Variants in RYR1 observed in about 807,000 individuals in gnomAD.
RYR1 encodes the protein ryanodine receptor 1.
Under a neutral mutation model 583.5 loss-of-function variants are expected in RYR1, and 342 were observed. The ratio of observed to expected loss-of-function variants is 0.59; its 90% CI spans 0.54 to 0.64. The LOEUF is 0.64. RYR1 is among the 30% of genes least tolerant of loss of function. The probability of loss-of-function intolerance (pLI) is 0.00; values close to 1 mark genes in which losing one functional copy is unlikely to be tolerated. For synonymous variants in RYR1, 2,791 were observed against 2,822.5 expected, an observed-to-expected ratio of 0.99 and a Z score of 0.35; for missense variants, 6,032 against 6,917.2, an observed-to-expected ratio of 0.87 and a Z score of 4.54.
At position 38,564,721 on chromosome 19, in the gene RYR1, G is replaced by A. The variant is rs141858105; in HGVS notation, c.12625-238G>A. Reference sequence around the variant, plus strand: ...GTAGAGACGGGGGTTTCACCATGTTGGCCAGGCTGGTCTCGAACTCCTGAC... The same window carrying A: ...GTAGAGACGGGGGTTTCACCATGTTAGCCAGGCTGGTCTCGAACTCCTGAC... On this transcript the variant is annotated intron_variant, in intron 90 of 105. Transcript: ENST00000359596. Among the ~76,000 whole-genome samples the A allele has an allele frequency of 2.7e-3, 405 of 152,234 alleles. 1 individual carries two copies. The highest frequency in any genetic ancestry group is 9.1e-3 in the African/African-American group (378 of 41,544).
intron 57 of RYR1, 34 bp from the exon 58 acceptor site, chr19:38,507,678 C>T (rs1970536065): frequency 2.2e-6 from 3 of 1,368,624 alleles, no homozygotes; most frequent in African/African-American, 2.8e-5. Flanking sequence ...GGGCCGGCGT[C>T]TGGGCTGATC....
intron 31 of RYR1, among the ~76,000 whole-genome samples, chr19:38,478,852 T>A (rs1968876350): frequency 6.6e-6 from 1 of 152,110 alleles, no homozygotes; most frequent in South Asian, 2.1e-4. Context: ...ACTGCAACCT[T>A]CGCCTCCTGG....
chr19:38,463,920 C>G (rs1967936232), intron 22 of RYR1, 70 bp downstream of exon 22: 1 of 1,146,342 alleles, frequency 8.7e-7, no homozygotes, highest in African/African-American at 1.5e-5. Flanking sequence ...CATGGAGAGA[C>G]AGGGCAGGAG....
At chr19:38,534,656 G>A in intron 78 of RYR1, 64 bp from the exon 79 acceptor site, 2 of 1,406,976 alleles carry the variant, frequency 1.4e-6, no homozygotes, top group Non-Finnish European at 9.9e-7. Flanking sequence ...AAGTGAGAAT[G>A]TGAGGGGGAA....
intron 99 of RYR1, among the ~76,000 whole-genome samples, chr19:38,579,081 A>G (rs1974084045): frequency 6.6e-6 from 1 of 151,904 alleles, no homozygotes; most frequent in Non-Finnish European, 1.5e-5. Context: ...CATGTGCACC[A>G]CTGCACTCCA....
At chr19:38,486,344 T>C in intron 34 of RYR1, 142 bp downstream of exon 34, 1 of 1,115,178 alleles carries the variant, frequency 9.0e-7, no homozygotes, top group East Asian at 2.4e-5. Context: ...CACCTTTCTT[T>C]TTATTATTAT....
intron 29 of RYR1, among the ~76,000 whole-genome samples, chr19:38,477,067 AAAGAAG>A (rs200369670): frequency 1.3e-5 from 2 of 152,036 alleles, no homozygotes; most frequent in Admixed American, 6.5e-5. Context: ...GAAAGAAAAA[AAAGAAG>A]AAGAAGAAGG....
At chr19:38,464,435 A>G (rs1967978772) in intron 22 of RYR1, among the ~76,000 whole-genome samples, 1 of 152,134 alleles carries the variant, frequency 6.6e-6, no homozygotes, top group Non-Finnish European at 1.5e-5. Flanking sequence ...AGGAAAAGAC[A>G]GACATAGTTA....
Position 38,433,716 on chromosome 19 carries a change from C to G in RYR1, c.-114C>G. On this transcript the variant is annotated 5_prime_UTR_variant, in exon 1 of 106. Coordinates refer to ENST00000359596, the MANE Select transcript of RYR1 (RefSeq NM_000540.3). ...GCAGTTCCATCTACCTCGCGGGTGC[C>G]TCTGGTGTCTCCAGAGGTCTCCGAC... 1.3e-6 allele frequency: 1 copy of G among 797,120 alleles called. No individual in the cohort carries two copies. Among genetic ancestry groups the G allele is most frequent in the South Asian group, 1.4e-5 (1 of 69,598 alleles). 49.4% of individuals were successfully genotyped at this position (797,120 alleles called of 1,614,324 possible).
intron 67 of RYR1, 75 bp from the exon 68 acceptor site, chr19:38,522,953 C>T: frequency 1.6e-6 from 2 of 1,221,724 alleles, no homozygotes. Flanking sequence ...ATCTCCTCCT[C>T]CAAGATCTCT....
chr19:38,501,720 G>A (rs1970129663), intron 47 of RYR1, among the ~76,000 whole-genome samples: 1 of 152,110 alleles, frequency 6.6e-6, no homozygotes, highest in South Asian at 2.1e-4. Context: ...TGTGCATGGT[G>A]GCTCACCCCT....
At chr19:38,562,661 A>G (rs1169939328) in intron 90 of RYR1, among the ~76,000 whole-genome samples, 1 of 151,490 alleles carries the variant, frequency 6.6e-6, no homozygotes, top group African/African-American at 2.4e-5. Context: ...CCCTTCCCAC[A>G]TTCATGCCTG....
At position 38,567,090 on chromosome 19, in the gene RYR1, G is replaced by T. The variant is rs552349112; in HGVS notation, c.13514+103G>T. 15 of 1,531,610 alleles carry T rather than the reference G, an allele frequency of 9.8e-6. No homozygotes were observed. The South Asian group carries it at 1.8e-4, about 18-fold the overall frequency. The allele number at this position is 1,531,610 out of a possible 1,614,324, so 94.9% of individuals were successfully genotyped here. A position where few individuals can be genotyped will look rare whatever the true frequency, so the allele number is the denominator to read the frequency against. ...CCCAAGGCTGTCCTGGCCACCCTGT[G>T]TCCTCGGCATCACCCAGCCCAGACT... On this transcript the variant is annotated intron_variant, in intron 92 of 105. Transcript: ENST00000359596.
rs532015665 is a variant in RYR1, at chr19:38,574,883, C to CA, written c.14130-1029dup. On this transcript the variant is annotated intron_variant, in intron 96 of 105. Transcript: ENST00000359596. ...TGAAACCCTGTCTCTACTAAAAATA[C>CA]AAAAAAATTAGCTGGGCGTGGCAGT... Among the ~76,000 whole-genome samples the CA allele has an allele frequency of 9.6e-4, 145 of 151,492 alleles. 3 individuals carry two copies. The South Asian group carries it at 0.028, about 29-fold the overall frequency.
chr19:38,504,764 T>G lies in RYR1; in HGVS notation c.8084T>G (p.Leu2695Arg). ...TTTTCCCAGAAATACGACCCGGAGC[T>G]GTACCGCATGGCCATGCCTTGTCTG... ...SLAHKKYDPE[L>R]YRMAMPCLCA... The change falls in exon 51 of 106, where the codon CTG becomes CGG. Residue 2695 changes from leucine to arginine, a missense_variant. Coordinates refer to ENST00000359596, the MANE Select transcript of RYR1 (RefSeq NM_000540.3). 2 of 1,614,136 alleles carry G rather than the reference T, an allele frequency of 1.2e-6. No individual in the cohort carries two copies. Among genetic ancestry groups the G allele is most frequent in the Non-Finnish European group, 1.7e-6 (2 of 1,180,030 alleles).
rs1970008780 is a variant in RYR1 at position 38,499,651 on chromosome 19, G to T, written c.7044G>T (p.Glu2348Asp). 2.5e-6 allele frequency: 4 copies of T among 1,598,406 alleles called. No homozygotes were observed. The East Asian group carries it at 8.9e-5, about 36-fold the overall frequency. ...AVFVNGESVE[E>D]NANVVVRLLI... ...GGTGGCCAGGCGAGAGCGTGGAGGA[G>T]AACGCCAATGTGGTGGTGCGGCTGC... Residue 2348 changes from glutamate (E) to aspartate (D), a missense_variant, in exon 44 of 106, where the codon GAG becomes GAT. Physicochemically the swap from Glu to Asp is conservative, Grantham distance 45 (BLOSUM62 2). Transcript: ENST00000359596. The surrounding 1 kb of genome is among the most constrained non-coding windows in gnomAD (Gnocchi z 7.3).
chr19:38,584,916 A>T, intron 101 of RYR1, 27 bp from the exon 102 acceptor site: 1 of 1,613,336 alleles, frequency 6.2e-7, no homozygotes, highest in Non-Finnish European at 8.5e-7. Context: ...CGAATGAATG[A>T]GTGACCAGTG....
At chr19:38,502,766 GGC>G in intron 48 of RYR1, 39 bp downstream of exon 48, 2 of 856,732 alleles carry the variant, frequency 2.3e-6, no homozygotes, top group East Asian at 5.7e-5. Flanking sequence ...CAGGGGCAGG[GGC>G]AGGGGCAGGG....
At chr19:38,438,119 A>C (rs2145308561) in intron 1 of RYR1, among the ~76,000 whole-genome samples, 1 of 151,400 alleles carries the variant, frequency 6.6e-6, no homozygotes, top group East Asian at 1.9e-4. Context: ...TCAACACCCC[A>C]GCACCCAGAC....
Sources: allele counts gnomAD v4.1 joint callset (sites outside exome capture counted in the v4.1 genomes callset), GRCh38; gene constraint gnomAD v4.1.1; non-coding constraint Gnocchi (gnomAD v3.1); transcripts MANE v1.5; gene names NCBI Gene and HGNC (gene_info 2026-07-23, HGNC 2026-07-21).